Variants in NRXN1 observed in about 807,000 individuals in gnomAD.
The protein encoded by NRXN1 is neurexin 1.
A neutral mutation model predicts 150.9 loss-of-function variants in NRXN1; 39 were observed. That is an observed-to-expected ratio of 0.26 (90% CI 0.20 to 0.34). The LOEUF (loss-of-function observed/expected upper bound fraction) is 0.34. Ranked by LOEUF, NRXN1 falls within the 10% of genes least tolerant of loss-of-function variation. NRXN1 has a pLI of 1.00. For missense variants in NRXN1, 1,815 were observed against 1,949.9 expected, an observed-to-expected ratio of 0.93 and a Z score of 1.30; for synonymous variants, 924 against 757.0, an observed-to-expected ratio of 1.22 and a Z score of -3.62.
At chr2:50,825,992 T>A (rs1228708045) in intron 5 of NRXN1, among the ~76,000 whole-genome samples, 1 of 152,200 alleles carries the variant, frequency 6.6e-6, no homozygotes, top group Non-Finnish European at 1.5e-5. Context: ...ACTTTGACTC[T>A]TCCCACATAT....
intron 5 of NRXN1, among the ~76,000 whole-genome samples, chr2:50,857,020 G>A (rs1483576378): frequency 6.6e-6 from 1 of 152,044 alleles, no homozygotes; most frequent in Non-Finnish European, 1.5e-5. Context: ...CTACATTTAT[G>A]TTTAGATTAA....
intron 2 of NRXN1, among the ~76,000 whole-genome samples, chr2:50,965,960 A>C (rs1210173337): frequency 6.6e-6 from 1 of 151,418 alleles, no homozygotes; most frequent in Non-Finnish European, 1.5e-5. Context: ...TTTTCATGTT[A>C]TGTTGCCTTC....
chr2:50,719,319 CA>C (rs576413339), intron 5 of NRXN1, among the ~76,000 whole-genome samples: 210 of 149,896 alleles, frequency 1.4e-3, no homozygotes, highest in African/African-American at 5.0e-3. Flanking sequence ...TATATTCAAG[CA>C]AAAAATTAAA....
intron 2 of NRXN1, among the ~76,000 whole-genome samples, chr2:50,950,342 T>C (rs1031278716): frequency 6.6e-6 from 1 of 152,196 alleles, no homozygotes; most frequent in Non-Finnish European, 1.5e-5. Context: ...ATATATCTAG[T>C]TATTTTTTAA....
intron 18 of NRXN1, among the ~76,000 whole-genome samples, chr2:50,135,414 C>T (rs1574098989): frequency 6.6e-6 from 1 of 152,198 alleles, no homozygotes; most frequent in Non-Finnish European, 1.5e-5. Context: ...AGAAGCTGCC[C>T]AATCGCGGTG....
At chr2:50,844,132 T>C (rs1432968990) in intron 5 of NRXN1, among the ~76,000 whole-genome samples, 2 of 152,098 alleles carry the variant, frequency 1.3e-5, no homozygotes, top group Non-Finnish European at 2.9e-5. Flanking sequence ...AATACTAGTC[T>C]TGCAAGATCG....
chr2:50,882,803 G>C (rs1574817640), intron 5 of NRXN1, among the ~76,000 whole-genome samples: 1 of 151,750 alleles, frequency 6.6e-6, no homozygotes, highest in African/African-American at 2.4e-5. Flanking sequence ...ATAACAATGA[G>C]TGACCATAAT....
At chr2:50,479,011 A>G (rs1464876036) in intron 15 of NRXN1, among the ~76,000 whole-genome samples, 1 of 152,102 alleles carries the variant, frequency 6.6e-6, no homozygotes, top group East Asian at 1.9e-4. Context: ...CCTCCTCATC[A>G]ACACTGTCTC....
At position 49,940,596 on chromosome 2, in the gene NRXN1, C is replaced by A. The variant is rs558212847; in HGVS notation, c.4216+3108G>T. On this transcript the variant is annotated intron_variant, in intron 22 of 22. Transcript: ENST00000401669. Reference sequence around the variant, plus strand: ...CAAAAACAAACAGAAAAACACAACCCATATTCCAAGAAAAAAGTTGGAAAA... The same window carrying A: ...CAAAAACAAACAGAAAAACACAACCAATATTCCAAGAAAAAAGTTGGAAAA... 1.1e-4 allele frequency among the ~76,000 whole-genome samples: 17 copies of A among 152,260 alleles called. No homozygotes were observed. The East Asian group carries it at 2.9e-3, about 26-fold the overall frequency.
intron 21 of NRXN1, among the ~76,000 whole-genome samples, chr2:49,968,357 T>A (rs769217705): frequency 6.6e-6 from 1 of 152,098 alleles, no homozygotes; most frequent in Non-Finnish European, 1.5e-5. Flanking sequence ...AAACTAAATA[T>A]GCAGATGACT....
chr2:50,601,807 TA>T (rs1676324713), intron 8 of NRXN1, among the ~76,000 whole-genome samples: 1 of 152,228 alleles, frequency 6.6e-6, no homozygotes, highest in Non-Finnish European at 1.5e-5. Flanking sequence ...CATTAAAATG[TA>T]CCACTGCATA....
intron 18 of NRXN1, among the ~76,000 whole-genome samples, chr2:50,104,600 C>G (rs1022716996): frequency 1.1e-4 from 16 of 152,104 alleles, no homozygotes; most frequent in African/African-American, 3.6e-4. Flanking sequence ...ATGTGTCAGA[C>G]ACTCCTTCTA....
At chr2:51,010,750 T>C (rs886777693) in intron 2 of NRXN1, among the ~76,000 whole-genome samples, 2 of 151,718 alleles carry the variant, frequency 1.3e-5, no homozygotes, top group Admixed American at 6.6e-5. Flanking sequence ...AGTGTCTACG[T>C]TGCCACACCT....
chr2:50,402,006 A>G (rs905767287), intron 17 of NRXN1, among the ~76,000 whole-genome samples: 3 of 152,128 alleles, frequency 2.0e-5, no homozygotes, highest in African/African-American at 7.2e-5. Context: ...AAGGTTTGAT[A>G]CAAGAAGTTG....
At chr2:50,585,122 C>T (rs889206970) in intron 8 of NRXN1, among the ~76,000 whole-genome samples, 4 of 152,092 alleles carry the variant, frequency 2.6e-5, no homozygotes, top group African/African-American at 9.7e-5. Context: ...GTAGTTTAGC[C>T]CATGAATTCT....
chr2:50,047,351 T>C (rs947541119), intron 21 of NRXN1, among the ~76,000 whole-genome samples: 10 of 151,900 alleles, frequency 6.6e-5, no homozygotes, highest in African/African-American at 1.9e-4. Context: ...GGAACACACA[T>C]ATATATATGT....
At chr2:50,658,318 G>A (rs1421758569) in intron 5 of NRXN1, among the ~76,000 whole-genome samples, 2 of 151,708 alleles carry the variant, frequency 1.3e-5, no homozygotes, top group East Asian at 2.0e-4. Context: ...TGCCCAATGC[G>A]ACATCAGTGG....
At chr2:50,998,913 C>T (rs1699676687) in intron 2 of NRXN1, among the ~76,000 whole-genome samples, 1 of 151,936 alleles carries the variant, frequency 6.6e-6, no homozygotes, top group Admixed American at 6.6e-5. Context: ...ATGTCAGATA[C>T]AGTTGTTGAA....
intron 17 of NRXN1, among the ~76,000 whole-genome samples, chr2:50,399,563 G>A (rs890103883): frequency 1.3e-5 from 2 of 151,566 alleles, no homozygotes; most frequent in Non-Finnish European, 2.9e-5. Flanking sequence ...TCTTTCAAGG[G>A]CTCTAATTCA....
Sources: gnomAD v4.1 joint callset for allele counts (sites outside exome capture counted in the v4.1 genomes callset) on GRCh38, gnomAD v4.1.1 for gene constraint, MANE v1.5 for transcripts, NCBI Gene and HGNC (gene_info 2026-07-23, HGNC 2026-07-21) for gene names.